Variants in PITPNB observed in about 807,000 individuals in gnomAD.
The protein encoded by PITPNB is phosphatidylinositol transfer protein beta.
In PITPNB, 16 loss-of-function variants were observed where a neutral mutation model predicts 45.9. The observed-to-expected ratio is 0.35, with a 90% CI of 0.24 to 0.53. The LOEUF is 0.53. Among genes scored for constraint, PITPNB ranks in the 20% least tolerant of loss-of-function variants. PITPNB has a pLI of 0.93. For missense variants in PITPNB, 188 were observed against 330.5 expected, an observed-to-expected ratio of 0.57 and a Z score of 3.34; for synonymous variants, 112 against 108.9, an observed-to-expected ratio of 1.03 and a Z score of -0.18.
intron 3 of PITPNB, among the ~76,000 whole-genome samples, chr22:27,908,111 C>A (rs1398948938): frequency 6.6e-6 from 1 of 151,842 alleles, no homozygotes; most frequent in African/African-American, 2.4e-5. Flanking sequence ...TAGCCCTCTT[C>A]AACTTACGAG....
At chr22:27,890,291 G>A (rs1001175335) in intron 7 of PITPNB, among the ~76,000 whole-genome samples, 1 of 151,340 alleles carries the variant, frequency 6.6e-6, no homozygotes, top group African/African-American at 2.4e-5. Context: ...AACTGTCAAG[G>A]GCAACTTTGC....
At chr22:27,908,756 CA>C (rs1385299635) in intron 3 of PITPNB, among the ~76,000 whole-genome samples, 1 of 151,996 alleles carries the variant, frequency 6.6e-6, no homozygotes, top group Non-Finnish European at 1.5e-5. Flanking sequence ...TCTCAATAGA[CA>C]TATTTTTCAG....
chr22:27,853,546 T>C lies in PITPNB; in HGVS notation c.*156A>G. The C allele has an allele frequency of 8.2e-7, 1 of 1,212,750 alleles. No homozygotes were observed. The highest frequency in any genetic ancestry group is 1.2e-6 in the Non-Finnish European group (1 of 838,292). The allele number at this position is 1,212,750 out of a possible 1,614,324, so 75.1% of individuals were successfully genotyped here. On this transcript the variant is annotated 3_prime_UTR_variant, in exon 12 of 12. Transcript: ENST00000335272. ...ACACGTGGTTGAGAACCTGTGCATG[T>C]GTGTGTATCATCACAAGCACACATC...
At chr22:27,893,845 C>T (rs1249934819) in intron 7 of PITPNB, among the ~76,000 whole-genome samples, 2 of 152,104 alleles carry the variant, frequency 1.3e-5, no homozygotes, top group Non-Finnish European at 2.9e-5. Context: ...CCCTCCTTGG[C>T]CTTCCAAAGT....
At chr22:27,858,737 A>C (rs2055510842) in intron 9 of PITPNB, among the ~76,000 whole-genome samples, 1 of 152,182 alleles carries the variant, frequency 6.6e-6, no homozygotes, top group Non-Finnish European at 1.5e-5. Context: ...TCTCCTAGGC[A>C]AAGGTGTCAT....
chr22:27,875,078 C>A (rs549335994), intron 7 of PITPNB, among the ~76,000 whole-genome samples: 8 of 152,186 alleles, frequency 5.3e-5, no homozygotes, highest in Admixed American at 5.2e-4. Context: ...GTTAGTAATT[C>A]CTAAAGAGAA....
At chr22:27,884,220 G>C (rs544682635) in intron 7 of PITPNB, among the ~76,000 whole-genome samples, 1 of 152,096 alleles carries the variant, frequency 6.6e-6, no homozygotes, top group Non-Finnish European at 1.5e-5. Context: ...ATTACCCCCT[G>C]GGGGGGACAT....
intron 10 of PITPNB, among the ~76,000 whole-genome samples, chr22:27,856,417 G>A (rs1934174704): frequency 6.6e-6 from 1 of 152,222 alleles, no homozygotes. Flanking sequence ...GCTCCACAGC[G>A]GAGGGTCACA....
intron 3 of PITPNB, among the ~76,000 whole-genome samples, chr22:27,908,706 A>AAT (rs1935833555): frequency 6.6e-6 from 1 of 152,108 alleles, no homozygotes; most frequent in Admixed American, 6.5e-5. Flanking sequence ...CAAAACTTTA[A>AAT]ATATATATAG....
At chr22:27,883,440 T>C (rs550968855) in intron 7 of PITPNB, among the ~76,000 whole-genome samples, 1 of 152,178 alleles carries the variant, frequency 6.6e-6, no homozygotes, top group Non-Finnish European at 1.5e-5. Flanking sequence ...CCTAGAAGGG[T>C]GCCTATGCTA....
intron 8 of PITPNB, among the ~76,000 whole-genome samples, chr22:27,861,252 G>C (rs1429641810): frequency 1.3e-5 from 2 of 151,904 alleles, no homozygotes; most frequent in Non-Finnish European, 2.9e-5. Flanking sequence ...AGTGAGCTGA[G>C]GTCACATCAT....
At chr22:27,907,093 C>T (rs545426664) in intron 3 of PITPNB, among the ~76,000 whole-genome samples, 35 of 152,272 alleles carry the variant, frequency 2.3e-4, no homozygotes, top group Admixed American at 1.2e-3. Context: ...TATATAGTGA[C>T]GGTGCACCCA....
At chr22:27,866,399 T>C (rs1934486318) in intron 8 of PITPNB, among the ~76,000 whole-genome samples, 1 of 151,990 alleles carries the variant, frequency 6.6e-6, no homozygotes, top group African/African-American at 2.4e-5. Flanking sequence ...TTAGGGGGAG[T>C]AATGTATACT....
chr22:27,856,656 G>A (rs1934182535), intron 10 of PITPNB, among the ~76,000 whole-genome samples: 1 of 152,208 alleles, frequency 6.6e-6, no homozygotes, highest in South Asian at 2.1e-4. Context: ...TAAAAACTGA[G>A]AGAAGGGCTC....
At chr22:27,887,282 A>G (rs1371639433) in intron 7 of PITPNB, among the ~76,000 whole-genome samples, 1 of 152,172 alleles carries the variant, frequency 6.6e-6, no homozygotes, top group Non-Finnish European at 1.5e-5. Flanking sequence ...TCATAAAAAT[A>G]GTGTTGAGAA....
At chr22:27,911,906 G>A (rs1391315857) in intron 2 of PITPNB, among the ~76,000 whole-genome samples, 1 of 152,160 alleles carries the variant, frequency 6.6e-6, no homozygotes, top group Non-Finnish European at 1.5e-5. Context: ...ATCAATACCT[G>A]TAAGTCAACT....
intron 7 of PITPNB, among the ~76,000 whole-genome samples, chr22:27,886,336 A>C (rs981208429): frequency 7.2e-5 from 11 of 152,352 alleles, no homozygotes; most frequent in African/African-American, 2.6e-4. Flanking sequence ...CAGACTTCCC[A>C]CAAGTCATCA....
At chr22:27,919,012 G>A (rs1181169150) in intron 1 of PITPNB, 160 bp downstream of exon 1, 4 of 1,046,196 alleles carry the variant, frequency 3.8e-6, no homozygotes, top group South Asian at 2.5e-5. Context: ...GGGCGCACTC[G>A]CTGAGGGGCT....
At chr22:27,860,425 C>A in intron 8 of PITPNB, 184 bp from the exon 9 acceptor site, 1 of 507,494 alleles carries the variant, frequency 2.0e-6, no homozygotes, top group African/African-American at 1.9e-5. Flanking sequence ...CTGCTGTAAA[C>A]CCTCCTTCCA....
Sources: gnomAD v4.1 joint callset for allele counts (sites outside exome capture counted in the v4.1 genomes callset) on GRCh38, gnomAD v4.1.1 for gene constraint, MANE v1.5 for transcripts, NCBI Gene and HGNC (gene_info 2026-07-23, HGNC 2026-07-21) for gene names.